Variants in NEGR1 observed in about 807,000 individuals in gnomAD.
The protein encoded by NEGR1 is IgLON family member 4.
NEGR1 carries 10 observed loss-of-function variants against 40.9 expected under a neutral mutation model. The observed-to-expected ratio is 0.24, with a 90% CI of 0.15 to 0.42. The LOEUF (loss-of-function observed/expected upper bound fraction) is 0.42, where lower values mean the gene tolerates loss of function less well. Among genes scored for constraint, NEGR1 ranks in the 10% least tolerant of loss-of-function variants. NEGR1 has a pLI of 1.00. For missense variants in NEGR1, 352 were observed against 438.9 expected, an observed-to-expected ratio of 0.80 and a Z score of 1.77; for synonymous variants, 185 against 166.8, an observed-to-expected ratio of 1.11 and a Z score of -0.84.
chr1:71,531,889 T>G (rs932315012), intron 6 of NEGR1, among the ~76,000 whole-genome samples: 4 of 151,322 alleles, frequency 2.6e-5, no homozygotes, highest in African/African-American at 9.7e-5. Flanking sequence ...TAAAGCATTT[T>G]TGATTGATTA....
At chr1:71,712,189 A>T (rs1007301952) in intron 3 of NEGR1, among the ~76,000 whole-genome samples, 2 of 152,262 alleles carry the variant, frequency 1.3e-5, no homozygotes, top group East Asian at 1.9e-4. Context: ...AGGCAAAAGC[A>T]TATTGATATA....
intron 4 of NEGR1, among the ~76,000 whole-genome samples, chr1:71,683,413 T>A (rs1474970186): frequency 7.1e-6 from 1 of 141,564 alleles, no homozygotes; most frequent in African/African-American, 2.6e-5. Flanking sequence ...TTAGTGGTTC[T>A]CATTTCAATT....
intron 6 of NEGR1, among the ~76,000 whole-genome samples, chr1:71,549,460 C>A (rs988515569): frequency 6.6e-6 from 1 of 151,694 alleles, no homozygotes; most frequent in Non-Finnish European, 1.5e-5. Flanking sequence ...CAGAAAAAGT[C>A]ACATGATCTT....
At chr1:71,757,969 A>G (rs1397211055) in intron 3 of NEGR1, among the ~76,000 whole-genome samples, 2 of 152,038 alleles carry the variant, frequency 1.3e-5, no homozygotes, top group Non-Finnish European at 2.9e-5. Flanking sequence ...ATTTTGGATG[A>G]GTTTTTTTTT....
At chr1:71,707,428 G>A (rs935040476) in intron 3 of NEGR1, among the ~76,000 whole-genome samples, 4 of 152,148 alleles carry the variant, frequency 2.6e-5, no homozygotes, top group African/African-American at 7.2e-5. Context: ...GGAAAGGGGA[G>A]GGAAGAGTGG....
chr1:72,252,138 T>A (rs1655122194), intron 1 of NEGR1, among the ~76,000 whole-genome samples: 1 of 132,650 alleles, frequency 7.5e-6, no homozygotes, highest in South Asian at 2.1e-4. Flanking sequence ...AGAGTTTTGC[T>A]CTTGTTTTCC....
At chr1:72,090,365 TA>T (rs59316206) in intron 1 of NEGR1, among the ~76,000 whole-genome samples, 3,113 of 131,096 alleles carry the variant, frequency 0.024, 55 homozygotes, top group African/African-American at 0.054. Context: ...CTTTTTTTCT[TA>T]AAAAAAAAAA....
At chr1:72,245,464 A>G (rs1191620049) in intron 1 of NEGR1, among the ~76,000 whole-genome samples, 1 of 152,114 alleles carries the variant, frequency 6.6e-6, no homozygotes, top group Non-Finnish European at 1.5e-5. Context: ...TCAGGGCACA[A>G]TTAGTGATTC....
At chr1:72,086,820 G>A (rs116070015) in intron 1 of NEGR1, among the ~76,000 whole-genome samples, 2,337 of 152,060 alleles carry the variant, frequency 0.015, 58 homozygotes, top group African/African-American at 0.053. Context: ...ACTTTTTAAA[G>A]TATTTATTAA....
At chr1:71,480,298 C>T (rs933533005) in intron 6 of NEGR1, among the ~76,000 whole-genome samples, 4 of 151,896 alleles carry the variant, frequency 2.6e-5, no homozygotes, top group African/African-American at 7.2e-5. Flanking sequence ...AGGCCATGGA[C>T]GTTAAGGAGC....
At chr1:71,873,131 A>AT (rs1660327346) in intron 2 of NEGR1, among the ~76,000 whole-genome samples, 1 of 151,258 alleles carries the variant, frequency 6.6e-6, no homozygotes, top group South Asian at 2.1e-4. Flanking sequence ...AAAAAAAAAA[A>AT]AAAAAAAAGA....
chr1:71,572,896 G>A (rs1259807091), intron 6 of NEGR1, among the ~76,000 whole-genome samples: 2 of 152,130 alleles, frequency 1.3e-5, no homozygotes, highest in African/African-American at 4.8e-5. Flanking sequence ...ATTTAGATTG[G>A]CTTCCTAATA....
At chr1:71,937,164 C>T (rs1004652628) in intron 1 of NEGR1, among the ~76,000 whole-genome samples, 1 of 152,044 alleles carries the variant, frequency 6.6e-6, no homozygotes, top group African/African-American at 2.4e-5. Flanking sequence ...GTCAGCTTTG[C>T]CATCTACAGA....
intron 6 of NEGR1, among the ~76,000 whole-genome samples, chr1:71,464,997 A>G (rs1646736325): frequency 6.6e-6 from 1 of 152,234 alleles, no homozygotes; most frequent in African/African-American, 2.4e-5. Context: ...CCAGGTAGAG[A>G]ATAGCATTGA....
At chr1:72,281,309 T>C (rs1656237498) in intron 1 of NEGR1, among the ~76,000 whole-genome samples, 1 of 152,122 alleles carries the variant, frequency 6.6e-6, no homozygotes, top group Admixed American at 6.5e-5. Context: ...AGTGACAATG[T>C]GGAACAGAGA....
intron 3 of NEGR1, among the ~76,000 whole-genome samples, chr1:71,736,360 C>A (rs1307058229): frequency 6.6e-6 from 1 of 151,968 alleles, no homozygotes; most frequent in African/African-American, 2.4e-5. Flanking sequence ...CTTTTGTTTG[C>A]ATATATTTAG....
chr1:71,790,133 C>T (rs959203271), intron 2 of NEGR1, among the ~76,000 whole-genome samples: 23 of 151,942 alleles, frequency 1.5e-4, no homozygotes, highest in Admixed American at 5.9e-4. Flanking sequence ...TTTCAGGAGC[C>T]GTTTGACAAT....
chr1:72,045,571 C>T (rs1646993622), intron 1 of NEGR1, among the ~76,000 whole-genome samples: 1 of 151,708 alleles, frequency 6.6e-6, no homozygotes, highest in Non-Finnish European at 1.5e-5. Flanking sequence ...CTCTTTTTGC[C>T]TGGTGCCATC....
intron 1 of NEGR1, among the ~76,000 whole-genome samples, chr1:71,998,741 A>G (rs1305883684): frequency 1.3e-5 from 2 of 151,294 alleles, no homozygotes; most frequent in African/African-American, 2.4e-5. Flanking sequence ...TCTTTTATAC[A>G]TAAGTATATA....
Sources: allele counts gnomAD v4.1 joint callset (sites outside exome capture counted in the v4.1 genomes callset), GRCh38; gene constraint gnomAD v4.1.1; transcripts MANE v1.5; gene names NCBI Gene and HGNC (gene_info 2026-07-23, HGNC 2026-07-21).